The following KLHL6 variants were observed in gnomAD, a reference collection of about 807,000 sequenced individuals.
The protein encoded by KLHL6 is kelch like family member 6.
Under a neutral mutation model 58.6 loss-of-function variants are expected in KLHL6, and 41 were observed. The observed-to-expected ratio is 0.70, with a 90% CI of 0.55 to 0.91. KLHL6 has a LOEUF of 0.91. Among genes scored for constraint, KLHL6 ranks in the 40% least tolerant of loss-of-function variants. The probability of loss-of-function intolerance (pLI) is 0.00; values close to 1 mark genes in which losing one functional copy is unlikely to be tolerated. For synonymous variants in KLHL6, 338 were observed against 322.7 expected, an observed-to-expected ratio of 1.05 and a Z score of -0.51; for missense variants, 714 against 805.6, an observed-to-expected ratio of 0.89 and a Z score of 1.38.
In KLHL6 at chr3:183,508,206, G is replaced by A. The variant is rs778924888; in HGVS notation, c.762C>T (p.Leu254=). Residue 254 remains leucine (L), a synonymous_variant, in exon 3 of 7, where the codon CTC becomes CTT. Transcript: ENST00000341319. ...AGCGCACGTTCTCGAGGACATAGGG[G>A]AGTAAGCAGAGTCGTTCTGATGGCT... ...RHKPSERLCL[L]PYVLENVRLP... 10 of 1,614,192 alleles carry A rather than the reference G, an allele frequency of 6.2e-6. No homozygotes were observed. The Admixed American group carries it at 1.3e-4, about 22-fold the overall frequency.
At chr3:183,507,942 G>C (rs1718055957) in intron 3 of KLHL6, 117 bp downstream of exon 3, 1 of 849,834 alleles carries the variant, frequency 1.2e-6, no homozygotes, top group African/African-American at 1.7e-5. Context: ...GAACAGGGCA[G>C]TGTTTTCTCC....
In KLHL6 at chr3:183,491,673, G is replaced by T; in HGVS notation, c.*254C>A. On this transcript the variant is annotated 3_prime_UTR_variant, in exon 7 of 7. Transcript: ENST00000341319. ...AGTGCCTGGCACAGAAGCCGGCATA[G>T]GGTGGGTGGGTCCTGAATGCTAAAT... 2.7e-6 allele frequency: 1 copy of T among 376,524 alleles called. No homozygotes were observed. The highest frequency in any genetic ancestry group is 4.7e-6 in the Non-Finnish European group (1 of 211,800). The allele number at this position is 376,524 out of a possible 1,614,324, so 23.3% of individuals were successfully genotyped here.
chr3:183,533,620 T>C (rs540787030), intron 1 of KLHL6, among the ~76,000 whole-genome samples: 5 of 152,260 alleles, frequency 3.3e-5, no homozygotes, highest in African/African-American at 1.2e-4. Context: ...CAAAGGTAAC[T>C]GTTTATGGCT....
At chr3:183,534,069 C>G (rs553571527) in intron 1 of KLHL6, among the ~76,000 whole-genome samples, 2 of 5,822 alleles carry the variant, frequency 3.4e-4, no homozygotes, top group Non-Finnish European at 8.9e-4. Context: ...ACCGTAATCA[C>G]CAGCCTTTAA....
intron 2 of KLHL6, among the ~76,000 whole-genome samples, chr3:183,513,709 C>CA (rs1718252413): frequency 6.6e-6 from 1 of 151,450 alleles, no homozygotes; most frequent in South Asian, 2.1e-4. Flanking sequence ...GCATGTATTT[C>CA]TTTTTTTTTA....
At chr3:183,542,331 C>T (rs2108693744) in intron 1 of KLHL6, among the ~76,000 whole-genome samples, 1 of 152,320 alleles carries the variant, frequency 6.6e-6, no homozygotes, top group South Asian at 2.1e-4. Flanking sequence ...CACAGCTTCA[C>T]CCAACAAAAC....
At chr3:183,540,281 G>A (rs563256726) in intron 1 of KLHL6, among the ~76,000 whole-genome samples, 11 of 152,304 alleles carry the variant, frequency 7.2e-5, no homozygotes, top group African/African-American at 2.2e-4. Flanking sequence ...GTCCTCATGT[G>A]TGAATACATT....
At chr3:183,532,776 A>C (rs577638047) in intron 1 of KLHL6, among the ~76,000 whole-genome samples, 1 of 152,288 alleles carries the variant, frequency 6.6e-6, no homozygotes, top group South Asian at 2.1e-4. Context: ...GAGGGCACTG[A>C]AGGCAGGATA....
At chr3:183,547,697 G>A (rs1174683760) in intron 1 of KLHL6, among the ~76,000 whole-genome samples, 1 of 152,132 alleles carries the variant, frequency 6.6e-6, no homozygotes. Flanking sequence ...TTTGGAATAT[G>A]GACGGCCTAC....
intron 2 of KLHL6, among the ~76,000 whole-genome samples, chr3:183,523,848 C>T (rs1361683246): frequency 1.3e-5 from 2 of 152,284 alleles, no homozygotes; most frequent in East Asian, 3.9e-4. Context: ...CAACCTCCCC[C>T]TTCCGGGTTC....
intron 4 of KLHL6, among the ~76,000 whole-genome samples, chr3:183,496,140 C>A (rs749576874): frequency 4.1e-4 from 63 of 151,906 alleles, no homozygotes; most frequent in Non-Finnish European, 7.5e-4. Flanking sequence ...TAAAAAACAA[C>A]CACAGTCTAG....
At chr3:183,553,584 G>A (rs750913201) in intron 1 of KLHL6, among the ~76,000 whole-genome samples, 1 of 152,234 alleles carries the variant, frequency 6.6e-6, no homozygotes, top group Admixed American at 6.5e-5. Flanking sequence ...ATCAAGGTTG[G>A]TGGAGAAAGT....
rs778233259 is a variant in KLHL6 at position 183,508,204 on chromosome 3, G to C, written c.764C>G (p.Pro255Arg). The C allele has an allele frequency of 1.9e-6, 3 of 1,614,190 alleles. No individual in the cohort carries two copies. The highest frequency in any genetic ancestry group is 2.2e-5 in the East Asian group (1 of 44,880). Residue 255 changes from proline (P) to arginine (R), a missense_variant, in exon 3 of 7, where the codon CCC (proline) becomes CGC (arginine). Pro to Arg is a moderately radical substitution (Grantham distance 103). Transcript: ENST00000341319. ...HKPSERLCLL[P>R]YVLENVRLPL... ...TAAGCGCACGTTCTCGAGGACATAG[G>C]GGAGTAAGCAGAGTCGTTCTGATGG...
chr3:183,510,348 T>C (rs748182476), intron 2 of KLHL6, among the ~76,000 whole-genome samples: 84 of 150,522 alleles, frequency 5.6e-4, no homozygotes, highest in Non-Finnish European at 1.1e-3. Flanking sequence ...CTGGTGAGAG[T>C]AGGGACAGGA....
In KLHL6 at chr3:183,491,787, T is replaced by A; in HGVS notation, c.*140A>T. On this transcript the variant is annotated 3_prime_UTR_variant, in exon 7 of 7. Transcript: ENST00000341319. ...GACCCCAAACTGTGACTTCCAAGGT[T>A]CCCCCAAAGTGAGTCAAGGGGATCC... 1.5e-6 allele frequency: 1 copy of A among 671,564 alleles called. No homozygotes were observed. Among genetic ancestry groups the A allele is most frequent in the East Asian group, 3.3e-5 (1 of 30,684 alleles). 41.6% of individuals were successfully genotyped at this position (671,564 alleles called of 1,614,324 possible).
rs753507531 is a variant in KLHL6, at chr3:183,541,223, G to A, written c.294-13213C>T. Among the ~76,000 whole-genome samples, 64 of 152,184 alleles carry A rather than the reference G, an allele frequency of 4.2e-4. 1 individual carries two copies. Among genetic ancestry groups the A allele is most frequent in the Non-Finnish European group, 8.4e-4 (57 of 68,034 alleles). Reference sequence around the variant, plus strand: ...GACAGGCAAAGATGATCCTATGTGCGTTCTAGGCTGCTCCCTCCGCCAGCT... The same window carrying A: ...GACAGGCAAAGATGATCCTATGTGCATTCTAGGCTGCTCCCTCCGCCAGCT... On this transcript the variant is annotated intron_variant, in intron 1 of 6. Transcript: ENST00000341319.
At chr3:183,505,510 A>G (rs1236304568) in intron 3 of KLHL6, among the ~76,000 whole-genome samples, 2 of 152,252 alleles carry the variant, frequency 1.3e-5, no homozygotes, top group Admixed American at 6.5e-5. Flanking sequence ...ACCCAAACTA[A>G]GCAGAAAGAA....
chr3:183,522,544 C>T (rs1317980585), intron 2 of KLHL6: 1 of 152,220 alleles, frequency 6.6e-6, no homozygotes, highest in East Asian at 1.9e-4. Context: ...CCTAGATTGA[C>T]TGGCTTCTAT....
intron 3 of KLHL6, among the ~76,000 whole-genome samples, chr3:183,504,701 T>C (rs1717955614): frequency 6.6e-6 from 1 of 152,192 alleles, no homozygotes; most frequent in African/African-American, 2.4e-5. Context: ...AAAGTGCTAT[T>C]TATTTTAACT....
Sources: gnomAD v4.1 joint callset for allele counts (sites outside exome capture counted in the v4.1 genomes callset) on GRCh38, gnomAD v4.1.1 for gene constraint, MANE v1.5 for transcripts, NCBI Gene and HGNC (gene_info 2026-07-23, HGNC 2026-07-21) for gene names.